The following CUEDC1 variants were observed in gnomAD, a reference collection of about 807,000 sequenced individuals.
CUEDC1 encodes the protein CUE domain containing 1.
In CUEDC1, 30 loss-of-function variants were observed where a neutral mutation model predicts 43.7. That is an observed-to-expected ratio of 0.69 (90% CI 0.51 to 0.93). The LOEUF is 0.93. Ranked by LOEUF, CUEDC1 falls within the 40% of genes least tolerant of loss-of-function variation. The pLI is 0.00. For missense variants in CUEDC1, 486 were observed against 549.0 expected (o/e 0.89, Z 1.15); for synonymous variants, 223 against 223.6 (o/e 1.00, Z 0.02).
chr17:57,904,591 T>A (rs896683020), intron 1 of CUEDC1, among the ~76,000 whole-genome samples: 10 of 152,116 alleles, frequency 6.6e-5, no homozygotes, highest in African/African-American at 2.4e-4. Flanking sequence ...CTGCTCCCCG[T>A]CCCATTTCAC....
intron 1 of CUEDC1, among the ~76,000 whole-genome samples, chr17:57,912,919 C>T (rs576918098): frequency 2.0e-5 from 3 of 152,258 alleles, no homozygotes; most frequent in African/African-American, 4.8e-5. Flanking sequence ...CATAGCTCAT[C>T]GTAGCCTCAA....
At chr17:57,869,584 C>A (rs2074008676) in intron 6 of CUEDC1, among the ~76,000 whole-genome samples, 1 of 152,202 alleles carries the variant, frequency 6.6e-6, no homozygotes, top group South Asian at 2.1e-4. Flanking sequence ...AAACATTCAC[C>A]AGCACACCAG....
At chr17:57,879,503 T>G in intron 3 of CUEDC1, 108 bp downstream of exon 3, 1 of 1,336,192 alleles carries the variant, frequency 7.5e-7, no homozygotes. Flanking sequence ...AGCCTGTTCT[T>G]TGAAATATAC....
intron 1 of CUEDC1, among the ~76,000 whole-genome samples, chr17:57,928,716 G>A (rs916366037): frequency 6.7e-6 from 1 of 149,808 alleles, no homozygotes; most frequent in East Asian, 2.0e-4. Flanking sequence ...TCCAGAAAGG[G>A]AGAATATACT....
chr17:57,899,161 C>T (rs543828572), intron 1 of CUEDC1, among the ~76,000 whole-genome samples: 54 of 152,268 alleles, frequency 3.5e-4, no homozygotes, highest in Middle Eastern at 6.8e-3. Flanking sequence ...CTCAGGCAGC[C>T]GGGACACCAT....
Position 57,873,706 on chromosome 17 carries a change from A to C in CUEDC1, c.476T>G (p.Leu159Arg). 1 of 1,587,374 alleles carries C rather than the reference A, an allele frequency of 6.3e-7. No individual in the cohort carries two copies. The highest frequency in any genetic ancestry group is 1.1e-5 in the South Asian group (1 of 87,784). ...PPTPPPRIDA[L>R]GSGAPTSQRR... ...CTGGCTTGTAGGGGCTCCAGAGCCC[A>C]GCGCGTCGATACTAGGGGATGGCAG... The change falls in exon 4 of 11, where the codon CTG becomes CGG. Residue 159 changes from leucine to arginine, a missense_variant. Physicochemically the swap from Leu to Arg is moderately radical, Grantham distance 102. Coordinates refer to ENST00000577830, the MANE Select transcript of CUEDC1 (RefSeq NM_001271875.2).
At chr17:57,915,821 G>A (rs976700270) in intron 1 of CUEDC1, among the ~76,000 whole-genome samples, 2 of 152,208 alleles carry the variant, frequency 1.3e-5, no homozygotes, top group Non-Finnish European at 2.9e-5. Flanking sequence ...CAAGCTGGGC[G>A]GGGAGGAGGG....
rs750025752 is a variant in CUEDC1 at position 57,872,730 on chromosome 17, G to A, written c.717C>T (p.Phe239=). Residue 239 remains phenylalanine, a synonymous_variant, in exon 5 of 11, where the codon TTC becomes TTT. Transcript: ENST00000577830. ...CCTTCATGAACTCCTCGTTCTGCAG[G>A]AAAAGCGCGATCCTCTCGTCCTCCA... ...QYLEDERIAL[F]LQNEEFMKEL... The A allele has an allele frequency of 4.2e-5, 68 of 1,614,076 alleles. No individual in the cohort carries two copies. The highest frequency in any genetic ancestry group is 5.5e-5 in the Non-Finnish European group (65 of 1,180,042).
rs201362073 is a variant in CUEDC1 at position 57,885,220 on chromosome 17, C to T, written c.336+9G>A. Reference sequence around the variant, plus strand: ...GTGGTGGTTGGAATTACCCGGGCTGCGCCCCTACCTCCGGGGGGATGCTGT... The same window carrying T: ...GTGGTGGTTGGAATTACCCGGGCTGTGCCCCTACCTCCGGGGGGATGCTGT... On this transcript the variant is annotated intron_variant, in intron 2 of 10. Transcript: ENST00000577830. The T allele has an allele frequency of 9.0e-6, 14 of 1,551,604 alleles. No homozygotes were observed. In the East Asian group the frequency reaches 1.4e-4, roughly 16 times the overall value.
chr17:57,954,998 G>A lies in CUEDC1; in HGVS notation c.-316+227C>T, dbSNP rs916775627. Among the ~76,000 whole-genome samples the A allele has an allele frequency of 3.3e-5, 5 of 151,598 alleles. No homozygotes were observed. The highest frequency in any genetic ancestry group is 1.2e-4 in the African/African-American group (5 of 41,382). On this transcript the variant is annotated intron_variant, in intron 1 of 10. Transcript: ENST00000577830. This position sits in a 1 kb window ranked among gnomAD's most constrained non-coding sequence, Gnocchi z 4.3. ...GGCCCGGGATGAGGTGGGGGCTCGG[G>A]AAGGAAGGGCGGGCGGGGACCTGCC...
At chr17:57,907,565 G>A (rs956383297) in intron 1 of CUEDC1, among the ~76,000 whole-genome samples, 2 of 152,094 alleles carry the variant, frequency 1.3e-5, no homozygotes, top group Non-Finnish European at 2.9e-5. Flanking sequence ...TACATACTGG[G>A]CCAGGCGCAG....
chr17:57,874,468 G>A (rs1157343132), intron 3 of CUEDC1, among the ~76,000 whole-genome samples: 1 of 152,202 alleles, frequency 6.6e-6, no homozygotes, highest in East Asian at 1.9e-4. Context: ...TGTGTGTGTG[G>A]CAGGAGCTCT....
intron 1 of CUEDC1, among the ~76,000 whole-genome samples, chr17:57,911,422 T>A (rs887433334): frequency 6.6e-6 from 1 of 152,218 alleles, no homozygotes; most frequent in Non-Finnish European, 1.5e-5. Flanking sequence ...TTAGCGGCCA[T>A]AATCAGGGGC....
chr17:57,891,232 A>G (rs1242047142), intron 1 of CUEDC1, among the ~76,000 whole-genome samples: 4 of 152,098 alleles, frequency 2.6e-5, no homozygotes, highest in Non-Finnish European at 4.4e-5. Context: ...GATCCATCCG[A>G]CCTGTGATTC....
intron 1 of CUEDC1, among the ~76,000 whole-genome samples, chr17:57,942,524 C>T (rs570463405): frequency 6.6e-6 from 1 of 151,860 alleles, no homozygotes; most frequent in South Asian, 2.1e-4. Context: ...AAGTAGCTGA[C>T]ACTACAAGCA....
intron 1 of CUEDC1, among the ~76,000 whole-genome samples, chr17:57,920,633 T>TTTTC: frequency 7.5e-5 from 1 of 13,270 alleles, no homozygotes; most frequent in East Asian, 0.01. Flanking sequence ...TTTTCTTTTC[T>TTTTC]TTTTTTTTTT....
chr17:57,867,552 G>C (rs937500244), intron 8 of CUEDC1, 137 bp from the exon 9 acceptor site: 1 of 735,396 alleles, frequency 1.4e-6, no homozygotes. Flanking sequence ...CACACCCTTA[G>C]TACTGTCCCC....
chr17:57,903,522 A>T (rs141794847), intron 1 of CUEDC1: 1 of 152,676 alleles, frequency 6.5e-6, no homozygotes, highest in Non-Finnish European at 1.5e-5. Flanking sequence ...AGGCTCAAAC[A>T]CACACAGGTC....
chr17:57,904,282 G>A lies in CUEDC1; in HGVS notation c.-315-18403C>T, dbSNP rs62081764. Among the ~76,000 whole-genome samples the A allele has an allele frequency of 1.4e-3, 220 of 152,092 alleles. 2 individuals carry two copies. The highest frequency in any genetic ancestry group is 4.4e-3 in the Admixed American group (67 of 15,272). Reference sequence around the variant, plus strand: ...GAAAAACACCCATAACCATCCTCACGGGCACCCAGCAACCCTGAAACACTG... The same window carrying A: ...GAAAAACACCCATAACCATCCTCACAGGCACCCAGCAACCCTGAAACACTG... On this transcript the variant is annotated intron_variant, in intron 1 of 10. Coordinates refer to ENST00000577830, the MANE Select transcript of CUEDC1 (RefSeq NM_001271875.2).
Sources: gnomAD v4.1 joint callset for allele counts (sites outside exome capture counted in the v4.1 genomes callset) on GRCh38, gnomAD v4.1.1 for gene constraint, Gnocchi (gnomAD v3.1) non-coding constraint, MANE v1.5 for transcripts, NCBI Gene and HGNC (gene_info 2026-07-23, HGNC 2026-07-21) for gene names.